STOML3: variants seen among roughly 807,000 people sequenced by gnomAD.
The protein encoded by STOML3 is stomatin-like protein 3.
Under a neutral mutation model 29.5 loss-of-function variants are expected in STOML3, and 31 were observed. The observed-to-expected ratio is 1.05, with a 90% confidence interval of 0.79 to 1.42. The LOEUF is 1.42. STOML3 is among the 40% of genes most tolerant of loss of function. The pLI, the probability that STOML3 is intolerant of heterozygous loss-of-function variation, is 0.00. For missense variants in STOML3, 380 were observed against 363.0 expected, an observed-to-expected ratio of 1.05 and a Z score of -0.38; for synonymous variants, 122 against 139.8, an observed-to-expected ratio of 0.87 and a Z score of 0.90.
intron 4 of STOML3, among the ~76,000 whole-genome samples, chr13:38,971,930 G>GA (rs1401677205): frequency 1.3e-5 from 2 of 151,844 alleles, no homozygotes; most frequent in South Asian, 2.1e-4. Context: ...TGTCTCAAAA[G>GA]AAAAAAACAA....
At chr13:38,988,916 A>ATATACTATATTATACAATATAT (rs1868869010) in intron 1 of STOML3, among the ~76,000 whole-genome samples, 2 of 103,910 alleles carry the variant, frequency 1.9e-5, no homozygotes, top group East Asian at 6.4e-4. Context: ...AGAATACATA[A>ATATACTATATTATACAATATAT]TATATATACT....
At chr13:38,977,643 ATGAATAT>A (rs1283140729) in intron 1 of STOML3, among the ~76,000 whole-genome samples, 1 of 152,118 alleles carries the variant, frequency 6.6e-6, no homozygotes, top group East Asian at 1.9e-4. Flanking sequence ...TTTTGGCTTA[ATGAATAT>A]TGCTTTGCAA....
chr13:38,982,611 G>T (rs544763545), intron 1 of STOML3, among the ~76,000 whole-genome samples: 14 of 152,156 alleles, frequency 9.2e-5, no homozygotes, highest in African/African-American at 3.4e-4. Flanking sequence ...CTTGTGAAAA[G>T]AAAATAAATC....
chr13:38,968,339 A>G, intron 6 of STOML3, 61 bp downstream of exon 6: 3 of 1,585,900 alleles, frequency 1.9e-6, no homozygotes, highest in Non-Finnish European at 2.6e-6. Flanking sequence ...TTCAAGTCCT[A>G]TCCTTGTTGG....
intron 6 of STOML3, 83 bp downstream of exon 6, chr13:38,968,316 AC>A: frequency 3.3e-6 from 5 of 1,530,908 alleles, no homozygotes; most frequent in Non-Finnish European, 4.4e-6. Context: ...TAATTGACAG[AC>A]CCAATCTTCT....
At position 38,984,284 on chromosome 13, in the gene STOML3, TTGCACAG is replaced by T. The variant is rs544593858; in HGVS notation, c.52+6379_52+6385del. Among the ~76,000 whole-genome samples, 15 of 152,252 alleles carry T rather than the reference TTGCACAG, an allele frequency of 9.9e-5. No homozygotes were observed. In the East Asian group the frequency reaches 1.7e-3, roughly 18 times the overall value. ...CTAGGTCCTCACACATCTTGTCCCT[TTGCACAG>T]GTCTTTGTGTTCCTCAGCCCCCTTC... is the stretch of plus-strand genomic sequence containing the variant. On this transcript the variant is annotated intron_variant, in intron 1 of 6. Transcript: ENST00000379631.
chr13:38,976,358 G>T (rs1183142294), intron 3 of STOML3, among the ~76,000 whole-genome samples, 182 bp downstream of exon 3: 1 of 152,134 alleles, frequency 6.6e-6, no homozygotes, highest in Non-Finnish European at 1.5e-5. Flanking sequence ...CAAACTGGTG[G>T]TCATTCCCAC....
intron 1 of STOML3, among the ~76,000 whole-genome samples, chr13:38,984,541 C>T (rs1056972868): frequency 6.6e-6 from 1 of 152,112 alleles, no homozygotes; most frequent in African/African-American, 2.4e-5. Flanking sequence ...TTTAGATATA[C>T]AAATACTTAC....
At chr13:38,985,210 G>A (rs905470808) in intron 1 of STOML3, among the ~76,000 whole-genome samples, 3 of 152,088 alleles carry the variant, frequency 2.0e-5, no homozygotes, top group Admixed American at 2.0e-4. Context: ...GATTACCTGA[G>A]GTCAGGAGTC....
At position 38,990,660 on chromosome 13, in the gene STOML3, AG is replaced by A. The variant is rs1485512414; in HGVS notation, c.52+9del. On this transcript the variant is annotated intron_variant, in intron 1 of 6. Transcript: ENST00000379631. ...AAAAAACAAGCCTAAGACAGGAAAA[AG>A]GAACTTACCCACGAAATTCTCTTTA... 6.2e-7 allele frequency: 1 copy of A among 1,613,772 alleles called. No homozygotes were observed. The highest frequency in any genetic ancestry group is 8.5e-7 in the Non-Finnish European group (1 of 1,179,776).
At chr13:38,981,908 C>A (rs1469635900) in intron 1 of STOML3, among the ~76,000 whole-genome samples, 1 of 152,256 alleles carries the variant, frequency 6.6e-6, no homozygotes, top group East Asian at 1.9e-4. Context: ...ATTCAACTTC[C>A]AACTAATACC....
intron 4 of STOML3, among the ~76,000 whole-genome samples, chr13:38,971,386 TC>T (rs1391030775): frequency 1.3e-5 from 2 of 152,132 alleles, no homozygotes; most frequent in Non-Finnish European, 2.9e-5. Context: ...CATGAAGACA[TC>T]ATGTTTGAGT....
intron 1 of STOML3, among the ~76,000 whole-genome samples, chr13:38,988,126 A>G (rs1418253062): frequency 3.1e-5 from 3 of 95,562 alleles, no homozygotes; most frequent in Non-Finnish European, 5.4e-5. Flanking sequence ...TTTATATATT[A>G]TATTTTATAT....
rs772434399 is a variant in STOML3, at chr13:38,976,813, G to T, written c.53-16C>A. On this transcript the variant is annotated splice_polypyrimidine_tract_variant and intron_variant, in intron 1 of 6. Transcript: ENST00000379631. ...TTGTTGACACCTAGGAAATGAGAAG[G>T]AAGCAAATATGTGATCAATGTGGTT... 1 of 1,604,894 alleles carries T rather than the reference G, an allele frequency of 6.2e-7. No homozygotes were observed. The highest frequency in any genetic ancestry group is 1.1e-5 in the South Asian group (1 of 90,292).
rs1484037156 is a variant in STOML3, at chr13:38,976,619, G to A, written c.157-7C>T. 6.2e-7 allele frequency: 1 copy of A among 1,614,144 alleles called. No individual in the cohort carries two copies. Among genetic ancestry groups the A allele is most frequent in the Non-Finnish European group, 8.5e-7 (1 of 1,180,012 alleles). On this transcript the variant is annotated splice_region_variant and splice_polypyrimidine_tract_variant and intron_variant, in intron 2 of 6. Transcript: ENST00000379631. ...GTTCATACTCCTTAATGATCTAGGA[G>A]ATTAAGGGCGAACGTTTAGTCCTAA...
intron 5 of STOML3, 120 bp from the exon 6 acceptor site, chr13:38,968,654 A>G (rs1880752763): frequency 8.3e-7 from 1 of 1,198,162 alleles, no homozygotes; most frequent in East Asian, 2.5e-5. Flanking sequence ...TTGCATTTAC[A>G]GCATTTGGAG....
intron 5 of STOML3, 95 bp downstream of exon 5, chr13:38,970,087 TGTG>T (rs1157530712): frequency 2.8e-6 from 3 of 1,082,514 alleles, no homozygotes; most frequent in Non-Finnish European, 4.1e-6. Context: ...CAAGCATGCA[TGTG>T]GTGGGGGATG....
intron 1 of STOML3, among the ~76,000 whole-genome samples, chr13:38,978,983 G>A (rs1217020322): frequency 6.6e-6 from 1 of 152,166 alleles, no homozygotes; most frequent in African/African-American, 2.4e-5. Context: ...CAGCATAGAA[G>A]TGCTTATTCC....
intron 1 of STOML3, among the ~76,000 whole-genome samples, chr13:38,988,325 T>A (rs111216618): frequency 1.1e-5 from 1 of 88,678 alleles, no homozygotes; most frequent in Non-Finnish European, 1.8e-5. Flanking sequence ...ATATATTATA[T>A]TTTATATATA....
Sources: allele counts gnomAD v4.1 joint callset (sites outside exome capture counted in the v4.1 genomes callset), GRCh38; gene constraint gnomAD v4.1.1; transcripts MANE v1.5; gene names NCBI Gene and HGNC (gene_info 2026-07-23, HGNC 2026-07-21).